Variants in SLC9A1 observed in about 807,000 individuals in gnomAD.
SLC9A1 encodes the protein sodium/hydrogen exchanger 1.
In SLC9A1, 22 loss-of-function variants were observed where a neutral mutation model predicts 67.9. That is an observed-to-expected ratio of 0.32 (90% confidence interval 0.23 to 0.46). The LOEUF is 0.46. Ranked by LOEUF, SLC9A1 falls within the 20% of genes least tolerant of loss-of-function variation. The pLI is 1.00. For missense variants in SLC9A1, 686 were observed against 1,094.8 expected (o/e 0.63, Z 5.27); for synonymous variants, 421 against 471.8 (o/e 0.89, Z 1.40).
intron 1 of SLC9A1, among the ~76,000 whole-genome samples, chr1:27,122,612 G>A: frequency 6.6e-6 from 1 of 152,134 alleles, no homozygotes; most frequent in Non-Finnish European, 1.5e-5. Context: ...CCCCATCCTA[G>A]CCTGCAGCCT....
At position 27,102,577 on chromosome 1, in the gene SLC9A1, A is replaced by ACG. The variant is rs1296589036; in HGVS notation, c.1647-20_1647-19insCG. ...GTTGAGCCTGGTGGGAGGAGGAGGGAGACGGATGGCGCCAGCTTCCAGGAG... is the reference window on the plus strand; with the variant it reads ...GTTGAGCCTGGTGGGAGGAGGAGGGACGGACGGATGGCGCCAGCTTCCAGGAG... On this transcript the variant is annotated intron_variant, in intron 7 of 11. Transcript: ENST00000263980. 1.9e-6 allele frequency: 3 copies of ACG among 1,608,970 alleles called. No homozygotes were observed. In the East Asian group the frequency reaches 6.7e-5, roughly 36 times the overall value.
In SLC9A1 at chr1:27,114,445, G is replaced by A. The variant is rs960791048; in HGVS notation, c.353-159C>T. ...TAACTCTCTGAGCCTCCGCTTCCTC[G>A]CCTGTAAAATGGAAGGGACAATGCT... On this transcript the variant is annotated intron_variant, in intron 1 of 11. Coordinates refer to ENST00000263980, the MANE Select transcript of SLC9A1 (RefSeq NM_003047.5). This position sits in a 1 kb window ranked among gnomAD's most constrained non-coding sequence, Gnocchi z 5.4. Among the ~76,000 whole-genome samples, 6 of 152,108 alleles carry A rather than the reference G, an allele frequency of 3.9e-5. No individual in the cohort carries two copies. The highest frequency in any genetic ancestry group is 1.4e-4 in the African/African-American group (6 of 41,410).
intron 1 of SLC9A1, among the ~76,000 whole-genome samples, chr1:27,119,531 T>C (rs754324810): frequency 2.6e-5 from 4 of 152,216 alleles, no homozygotes; most frequent in Admixed American, 6.5e-5. Flanking sequence ...ACTGCAGCAA[T>C]GAAAGGTAAT....
At chr1:27,126,284 C>T (rs188838481) in intron 1 of SLC9A1, among the ~76,000 whole-genome samples, 201 of 152,182 alleles carry the variant, frequency 1.3e-3, no homozygotes, top group African/African-American at 4.7e-3. Context: ...CTGTTGTATC[C>T]CTGGCACCTT....
chr1:27,109,780 G>A lies in SLC9A1; in HGVS notation c.814-3C>T. ...TCCTCAAAGAGGTGATACAGGACCT[G>A]GGGAGGGTGTGCAGGCTGGTGGGTG... On this transcript the variant is annotated splice_region_variant and splice_polypyrimidine_tract_variant and intron_variant, in intron 2 of 11. Transcript: ENST00000263980. This position sits in a 1 kb window ranked among gnomAD's most constrained non-coding sequence, Gnocchi z 5.5. 6.2e-7 allele frequency: 1 copy of A among 1,613,592 alleles called. No homozygotes were observed.
chr1:27,114,063 A>G lies in SLC9A1; in HGVS notation c.576T>C (p.Phe192=), dbSNP rs2083249618. Residue 192 remains phenylalanine (F), a synonymous_variant, in exon 2 of 12, where the codon TTT becomes TTC. Transcript: ENST00000263980. The surrounding 1 kb of genome is among the most constrained non-coding windows in gnomAD (Gnocchi z 5.4). ...FTENLGTILI[F]AVVGTLWNAF... ...CGTTCCACAGCGTGCCCACCACGGC[A>G]AAGATCAGGATGGTGCCCAGGTTTT... The G allele has an allele frequency of 6.2e-7, 1 of 1,614,044 alleles. No individual in the cohort carries two copies. Among genetic ancestry groups the G allele is most frequent in the Non-Finnish European group, 8.5e-7 (1 of 1,180,046 alleles).
chr1:27,113,766 G>C, intron 2 of SLC9A1, 60 bp downstream of exon 2: 2 of 1,277,466 alleles, frequency 1.6e-6, no homozygotes, highest in South Asian at 2.7e-5. Flanking sequence ...GGGATTCACT[G>C]GTGGGCCTGG....
At position 27,114,267 on chromosome 1, in the gene SLC9A1, A is replaced by C; in HGVS notation, c.372T>G (p.Thr124=). Residue 124 remains threonine, a synonymous_variant, in exon 2 of 12, where the codon ACT becomes ACG. Coordinates refer to ENST00000263980, the MANE Select transcript of SLC9A1 (RefSeq NM_003047.5). The surrounding 1 kb of genome is among the most constrained non-coding windows in gnomAD (Gnocchi z 5.4). The part of the protein sequence containing the change: ...LMKIGFHVIP[T]ISSIVPESCL... ...AGCTCTCCGGGACGATGCTTGAGATAGTGGGGATCACATGGAAACCTGCGG... is the reference window on the plus strand; with the variant it reads ...AGCTCTCCGGGACGATGCTTGAGATCGTGGGGATCACATGGAAACCTGCGG... 1 of 1,610,074 alleles carries C rather than the reference A, an allele frequency of 6.2e-7. No homozygotes were observed. Among genetic ancestry groups the C allele is most frequent in the Non-Finnish European group, 8.5e-7 (1 of 1,176,570 alleles).
At position 27,106,292 on chromosome 1, in the gene SLC9A1, C is replaced by A. The variant is rs2083184412; in HGVS notation, c.1283-205G>T. Among the ~76,000 whole-genome samples the A allele has an allele frequency of 6.6e-6, 1 of 152,138 alleles. No homozygotes were observed. The highest frequency in any genetic ancestry group is 1.5e-5 in the Non-Finnish European group (1 of 68,028). On this transcript the variant is annotated intron_variant, in intron 4 of 11. Coordinates refer to ENST00000263980, the MANE Select transcript of SLC9A1 (RefSeq NM_003047.5). The surrounding 1 kb of genome is among the most constrained non-coding windows in gnomAD (Gnocchi z 4.3). ...GTGGATCCTTAAAGGACTTCCCCAACCTGGATGTGCTTTAGAGACATCATG... is the reference window on the plus strand; with the variant it reads ...GTGGATCCTTAAAGGACTTCCCCAAACTGGATGTGCTTTAGAGACATCATG...
At chr1:27,125,748 C>G (rs1213247834) in intron 1 of SLC9A1, among the ~76,000 whole-genome samples, 1 of 152,162 alleles carries the variant, frequency 6.6e-6, no homozygotes, top group Non-Finnish European at 1.5e-5. Context: ...GCGTATGCCA[C>G]CACGTCCAGC....
In SLC9A1 at chr1:27,101,985, C is replaced by T. The variant is rs775804369; in HGVS notation, c.1935+31G>A. On this transcript the variant is annotated intron_variant, in intron 9 of 11. Transcript: ENST00000263980. This position sits in a 1 kb window ranked among gnomAD's most constrained non-coding sequence, Gnocchi z 4.9. Reference sequence around the variant, plus strand: ...AGAGGGGCTGAAGGGCTCCTGTACCCTGGGGGTCGGGCTGGGGAGCAGGCC... The same window carrying T: ...AGAGGGGCTGAAGGGCTCCTGTACCTTGGGGGTCGGGCTGGGGAGCAGGCC... 2 of 1,559,080 alleles carry T rather than the reference C, an allele frequency of 1.3e-6. No homozygotes were observed. Among genetic ancestry groups the T allele is most frequent in the East Asian group, 2.2e-5 (1 of 44,656 alleles).
rs78281512 is a variant in SLC9A1 at position 27,130,424 on chromosome 1, T to C, written c.353-16138A>G. 7.7e-3 allele frequency among the ~76,000 whole-genome samples: 1,179 copies of C among 152,244 alleles called. 14 individuals carry two copies. The highest frequency in any genetic ancestry group is 0.026 in the African/African-American group (1,093 of 41,564). ...GCCTAAACTGCTGGTCTTTCTAAGA[T>C]CCCTAGCAGTACCAGTGTGCCCTGG... On this transcript the variant is annotated intron_variant, in intron 1 of 11. Transcript: ENST00000263980.
At chr1:27,131,226 T>A (rs1201262802) in intron 1 of SLC9A1, among the ~76,000 whole-genome samples, 1 of 152,032 alleles carries the variant, frequency 6.6e-6, no homozygotes, top group Non-Finnish European at 1.5e-5. Flanking sequence ...TTTTTCTTTT[T>A]TGCCACCCAC....
chr1:27,120,070 C>CA (rs1222694525), intron 1 of SLC9A1, among the ~76,000 whole-genome samples: 186 of 143,844 alleles, frequency 1.3e-3, no homozygotes, highest in African/African-American at 3.3e-3. Flanking sequence ...GACTCCACCT[C>CA]AAAAAAAAAA....
intron 1 of SLC9A1, among the ~76,000 whole-genome samples, chr1:27,122,807 C>T (rs2083313105): frequency 6.6e-6 from 1 of 152,232 alleles, no homozygotes; most frequent in Non-Finnish European, 1.5e-5. Flanking sequence ...GCAGGAAAGG[C>T]ACTGGATCAA....
chr1:27,124,678 T>C (rs1040920933), intron 1 of SLC9A1, among the ~76,000 whole-genome samples: 2 of 152,174 alleles, frequency 1.3e-5, no homozygotes, highest in African/African-American at 4.8e-5. Context: ...GCCCCTTCTA[T>C]CCCTAGTAGC....
At chr1:27,124,236 A>C (rs1045662480) in intron 1 of SLC9A1, among the ~76,000 whole-genome samples, 1 of 152,044 alleles carries the variant, frequency 6.6e-6, no homozygotes, top group African/African-American at 2.4e-5. Flanking sequence ...CATTTCTAGA[A>C]ACTTTAGAGC....
Position 27,118,460 on chromosome 1 carries a change from C to T in SLC9A1, c.353-4174G>A, listed in dbSNP as rs1207223933. ...TTGTCCCTCTCCTAACGCCCTGACT[C>T]CACCAACTGCGCTCACTCTGCATCC... On this transcript the variant is annotated intron_variant, in intron 1 of 11. Coordinates refer to ENST00000263980, the MANE Select transcript of SLC9A1 (RefSeq NM_003047.5). This position sits in a 1 kb window ranked among gnomAD's most constrained non-coding sequence, Gnocchi z 4.3. Among the ~76,000 whole-genome samples the T allele has an allele frequency of 6.6e-6, 1 of 152,188 alleles. No individual in the cohort carries two copies. The highest frequency in any genetic ancestry group is 2.4e-5 in the African/African-American group (1 of 41,448).
chr1:27,102,673 T>C lies in SLC9A1; in HGVS notation c.1646A>G (p.Lys549Arg), dbSNP rs778135703. ...GHYGHHHWKD[K>R]LNRFNKKYVK... is the part of the protein sequence containing the mutation. ...CCTGCCCACCAGGCCTGCCACCTACTTGTCCTTCCAGTGGTGGTGACCGTA... is the reference window on the plus strand; with the variant it reads ...CCTGCCCACCAGGCCTGCCACCTACCTGTCCTTCCAGTGGTGGTGACCGTA... Residue 549 changes from lysine (K) to arginine (R), a missense_variant and splice_region_variant, in exon 7 of 12, where the codon AAG (lysine) becomes AGG (arginine). Physicochemically the swap from Lys to Arg is conservative, Grantham distance 26. Coordinates refer to ENST00000263980, the MANE Select transcript of SLC9A1 (RefSeq NM_003047.5). 3.7e-6 allele frequency: 6 copies of C among 1,613,784 alleles called. No individual in the cohort carries two copies. In the South Asian group the frequency reaches 6.6e-5, roughly 18 times the overall value.
Sources: allele counts gnomAD v4.1 joint callset (sites outside exome capture counted in the v4.1 genomes callset), GRCh38; gene constraint gnomAD v4.1.1; non-coding constraint Gnocchi (gnomAD v3.1); transcripts MANE v1.5; gene names NCBI Gene and HGNC (gene_info 2026-07-23, HGNC 2026-07-21).